ITPKB: variants seen among roughly 807,000 people sequenced by gnomAD.
The protein encoded by ITPKB is inositol-trisphosphate 3-kinase B.
Under a neutral mutation model 69.4 loss-of-function variants are expected in ITPKB, and 13 were observed. The ratio of observed to expected loss-of-function variants is 0.19; its 90% confidence interval spans 0.12 to 0.30. The LOEUF is 0.30. ITPKB is among the 10% of genes least tolerant of loss of function. The pLI, the probability that ITPKB is intolerant of heterozygous loss-of-function variation, is 1.00. For synonymous variants in ITPKB, 584 were observed against 513.7 expected (o/e 1.14, Z -1.85); for missense variants, 1,240 against 1,250.5 (o/e 0.99, Z 0.13).
chr1:226,648,307 T>C (rs2102745791), intron 3 of ITPKB, among the ~76,000 whole-genome samples: 1 of 152,344 alleles, frequency 6.6e-6, no homozygotes, highest in South Asian at 2.1e-4. Context: ...CTTTGCCTCT[T>C]TGTCCAGGGT....
intron 2 of ITPKB, among the ~76,000 whole-genome samples, chr1:226,671,163 A>G (rs1452383960): frequency 1.3e-5 from 2 of 152,224 alleles, no homozygotes; most frequent in Non-Finnish European, 2.9e-5. Flanking sequence ...GAAGACCCCA[A>G]GGATCTCTAG....
intron 2 of ITPKB, among the ~76,000 whole-genome samples, chr1:226,649,116 G>C (rs1397909394): frequency 2.0e-5 from 3 of 152,210 alleles, no homozygotes; most frequent in Admixed American, 6.5e-5. Context: ...TCTTGCCTGC[G>C]AGTGGTTTGA....
chr1:226,721,876 C>T (rs954640652), intron 2 of ITPKB, among the ~76,000 whole-genome samples: 2 of 150,714 alleles, frequency 1.3e-5, no homozygotes, highest in African/African-American at 4.9e-5. Context: ...TGCAGTGGCA[C>T]AATCTGGGCT....
At chr1:226,723,614 T>C (rs544175181) in intron 2 of ITPKB, among the ~76,000 whole-genome samples, 37 of 152,192 alleles carry the variant, frequency 2.4e-4, no homozygotes, top group Admixed American at 1.4e-3. Flanking sequence ...TATATTTCAT[T>C]GGCTCTCTTA....
intron 2 of ITPKB, among the ~76,000 whole-genome samples, chr1:226,700,432 G>A (rs1421256664): frequency 8.0e-6 from 1 of 124,736 alleles, no homozygotes; most frequent in East Asian, 2.5e-4. Flanking sequence ...TCACGCCACG[G>A]CACTCCAGCC....
chr1:226,676,222 G>A (rs914356108), intron 2 of ITPKB: 14 of 152,114 alleles, frequency 9.2e-5, no homozygotes, highest in African/African-American at 3.4e-4. Context: ...ACTACAGCAC[G>A]GTGCAAAAAC....
intron 2 of ITPKB, among the ~76,000 whole-genome samples, chr1:226,657,848 C>T (rs1243235783): frequency 6.6e-6 from 1 of 152,194 alleles, no homozygotes; most frequent in Non-Finnish European, 1.5e-5. Context: ...CTGGGGCTAT[C>T]TGCTTCCCCC....
chr1:226,675,764 T>C (rs536273644), intron 2 of ITPKB, among the ~76,000 whole-genome samples: 2 of 152,342 alleles, frequency 1.3e-5, no homozygotes, highest in South Asian at 2.1e-4. Context: ...AACTCGTATG[T>C]GCTACGCAAA....
chr1:226,670,111 T>A (rs1296606020), intron 2 of ITPKB, among the ~76,000 whole-genome samples: 1 of 132,658 alleles, frequency 7.5e-6, no homozygotes, highest in African/African-American at 3.0e-5. Flanking sequence ...TGACCTCAAG[T>A]GATCCGCCTG....
At chr1:226,644,365 TG>T (rs1323549659) in intron 4 of ITPKB, among the ~76,000 whole-genome samples, 1 of 152,076 alleles carries the variant, frequency 6.6e-6, no homozygotes, top group Admixed American at 6.5e-5. Context: ...CACAGGACGC[TG>T]GGGGAGGAGG....
chr1:226,719,700 C>T (rs530710725), intron 2 of ITPKB, among the ~76,000 whole-genome samples: 16 of 152,344 alleles, frequency 1.1e-4, no homozygotes, highest in East Asian at 1.9e-4. Flanking sequence ...ATGCGCAGGC[C>T]GTGCAGCTCC....
chr1:226,701,152 G>A (rs542591882), intron 2 of ITPKB, among the ~76,000 whole-genome samples: 1 of 152,254 alleles, frequency 6.6e-6, no homozygotes, highest in East Asian at 1.9e-4. Context: ...AGCCACGCAG[G>A]GTCTGTGTGA....
chr1:226,642,159 G>A lies in ITPKB; in HGVS notation c.2247-34C>T. The A allele has an allele frequency of 6.4e-7, 1 of 1,569,826 alleles. No homozygotes were observed. The highest frequency in any genetic ancestry group is 8.7e-7 in the Non-Finnish European group (1 of 1,147,268). The stretch of plus-strand genomic sequence containing the variant: ...GAGGGAAGGCGACATGAGGGCCGAG[G>A]CCTGGGGCAGGGCTCACCAGCAGCT... On this transcript the variant is annotated intron_variant, in intron 4 of 7. Coordinates refer to ENST00000429204, the MANE Select transcript of ITPKB (RefSeq NM_002221.4). The surrounding 1 kb of genome is among the most constrained non-coding windows in gnomAD (Gnocchi z 6.4).
chr1:226,658,703 C>T (rs1233790511), intron 2 of ITPKB, among the ~76,000 whole-genome samples: 1 of 152,224 alleles, frequency 6.6e-6, no homozygotes, highest in Non-Finnish European at 1.5e-5. Context: ...ACATCCTCCA[C>T]AGCGCTGCTC....
chr1:226,690,331 G>T (rs1656318595), intron 2 of ITPKB, among the ~76,000 whole-genome samples: 2 of 152,104 alleles, frequency 1.3e-5, no homozygotes, highest in African/African-American at 4.8e-5. Context: ...ATTTAATATG[G>T]ATCCCAAAAT....
chr1:226,722,231 G>A (rs1014875460), intron 2 of ITPKB, among the ~76,000 whole-genome samples: 2 of 152,162 alleles, frequency 1.3e-5, no homozygotes, highest in Non-Finnish European at 2.9e-5. Flanking sequence ...CAGGGCACTC[G>A]CCCTTCAAGC....
intron 2 of ITPKB, among the ~76,000 whole-genome samples, chr1:226,703,323 T>G (rs1241998898): frequency 3.9e-5 from 6 of 152,190 alleles, no homozygotes; most frequent in African/African-American, 1.4e-4. Flanking sequence ...TCGATTTGTT[T>G]ACAATGAACG....
Position 226,647,355 on chromosome 1 carries a change from G to A in ITPKB, c.2058C>T (p.Gly686=), listed in dbSNP as rs752588351. 8.1e-6 allele frequency: 13 copies of A among 1,613,998 alleles called. No homozygotes were observed. The South Asian group carries it at 1.3e-4, about 16-fold the overall frequency. The change falls in exon 4 of 8, where the codon GGC becomes GGT. Residue 686 remains glycine (G), a synonymous_variant. Transcript: ENST00000429204. ...HAGSFKAAAN[G]RILKKHCESE... ...ACTCACAGTGCTTCTTCAGGATCCT[G>A]CCATTGGCAGCTGCCTTGAAACTCC...
At chr1:226,703,751 G>C (rs1656736710) in intron 2 of ITPKB, among the ~76,000 whole-genome samples, 1 of 152,216 alleles carries the variant, frequency 6.6e-6, no homozygotes, top group African/African-American at 2.4e-5. Context: ...GGCTGCTGTT[G>C]CTGCTTACGA....
Sources: gnomAD v4.1 joint callset for allele counts (sites outside exome capture counted in the v4.1 genomes callset) on GRCh38, gnomAD v4.1.1 for gene constraint, Gnocchi (gnomAD v3.1) non-coding constraint, MANE v1.5 for transcripts, NCBI Gene and HGNC (gene_info 2026-07-23, HGNC 2026-07-21) for gene names.